Variants in MATK observed in about 807,000 individuals in gnomAD.
The protein encoded by MATK is megakaryocyte-associated tyrosine-protein kinase.
A neutral mutation model predicts 59.8 loss-of-function variants in MATK; 41 were observed. That is an observed-to-expected ratio of 0.69 (90% CI 0.53 to 0.89). The LOEUF is 0.89. MATK is among the 40% of genes least tolerant of loss of function. The pLI, the probability that MATK is intolerant of heterozygous loss-of-function variation, is 0.00. For missense variants in MATK, 593 were observed against 719.6 expected, an observed-to-expected ratio of 0.82 and a Z score of 2.01; for synonymous variants, 308 against 306.1, an observed-to-expected ratio of 1.01 and a Z score of -0.06.
upstream of MATK, chr19:3,789,446 C>G: frequency 1.7e-6 from 1 of 590,192 alleles, no homozygotes; most frequent in South Asian, 2.1e-5. Context: ...CCGAGGAGCC[C>G]CAGGGCTCCG....
At chr19:3,783,728 G>T (rs905752154) in intron 6 of MATK, 86 bp downstream of exon 6, 4 of 1,265,288 alleles carry the variant, frequency 3.2e-6, no homozygotes, top group Admixed American at 3.9e-5. Flanking sequence ...CAGGTGACCC[G>T]CCCCTCTATC....
intron 2 of MATK, 65 bp downstream of exon 2, chr19:3,784,999 C>T (rs1479222891): frequency 9.1e-6 from 14 of 1,541,466 alleles, no homozygotes; most frequent in Non-Finnish European, 1.3e-5. Context: ...GAGAGCCTCC[C>T]CAGAGGCATC....
upstream of MATK, among the ~76,000 whole-genome samples, chr19:3,789,794 G>A (rs558285611): frequency 0.014 from 1,982 of 146,738 alleles, 55 homozygotes; most frequent in African/African-American, 0.048. Flanking sequence ...GCCTGATCTC[G>A]GCTCACTGCA....
In MATK at chr19:3,784,387, TC is replaced by T; in HGVS notation, c.196del (p.Glu66SerfsTer95). 1.9e-6 allele frequency: 3 copies of T among 1,609,150 alleles called. No homozygotes were observed. Among genetic ancestry groups the T allele is most frequent in the Non-Finnish European group, 1.7e-6 (2 of 1,179,042 alleles). ...CACGTCGCCCTTGCGGAAGGCCAGC[TC>T]CCCTGGCTTGGGGCGGGTGTGCTCG... The part of the protein sequence containing the change: ...KCEHTRPKPG[E>X]LAFRKGDVVT... On this transcript the variant is annotated frameshift_variant, in exon 4 of 14. Transcript: ENST00000310132. LOFTEE classifies it high-confidence loss of function.
chr19:3,799,739 G>A (rs1028661539), intron 1 of MATK, among the ~76,000 whole-genome samples: 26 of 152,246 alleles, frequency 1.7e-4, no homozygotes, highest in Middle Eastern at 3.4e-3. Flanking sequence ...TACTTGGGAG[G>A]CTGAGGCAGG....
At chr19:3,778,870 C>T (rs1410211294) in intron 12 of MATK, 122 bp downstream of exon 12, 2 of 1,070,296 alleles carry the variant, frequency 1.9e-6, no homozygotes, top group Non-Finnish European at 2.6e-6. Flanking sequence ...GGGCCAAGAG[C>T]TTCCTGGGGA....
At chr19:3,800,646 TC>T (rs1438863674) in intron 1 of MATK, among the ~76,000 whole-genome samples, 1 of 151,452 alleles carries the variant, frequency 6.6e-6, no homozygotes, top group African/African-American at 2.4e-5. Flanking sequence ...AACTCCGTCT[TC>T]AGAAAAAAAA....
upstream of MATK, among the ~76,000 whole-genome samples, chr19:3,791,179 T>C (rs1289944511): frequency 2.6e-5 from 4 of 152,100 alleles, no homozygotes; most frequent in African/African-American, 9.7e-5. Context: ...TAATGTGGAA[T>C]TGCTGAGTCA....
intron 6 of MATK, 49 bp downstream of exon 6, chr19:3,783,765 C>A (rs771624640): frequency 3.3e-5 from 52 of 1,571,088 alleles, no homozygotes; most frequent in Non-Finnish European, 4.5e-5. Context: ...TCCGGAGTCC[C>A]TGGGCTGCCC....
intron 1 of MATK, among the ~76,000 whole-genome samples, chr19:3,795,792 C>T (rs1362841095): frequency 1.8e-4 from 19 of 105,926 alleles, no homozygotes; most frequent in Admixed American, 1.0e-3. Flanking sequence ...GATGGAATCT[C>T]ACTGTTTCGT....
At chr19:3,798,803 T>G (rs931832034) in intron 1 of MATK, among the ~76,000 whole-genome samples, 2 of 150,620 alleles carry the variant, frequency 1.3e-5, no homozygotes, top group Admixed American at 6.6e-5. Flanking sequence ...TGAGCCACCG[T>G]GCCCGGCCTG....
At chr19:3,793,922 CA>C (rs2037568319) in intron 1 of MATK, among the ~76,000 whole-genome samples, 2 of 152,096 alleles carry the variant, frequency 1.3e-5, no homozygotes, top group Admixed American at 1.3e-4. Flanking sequence ...CCACTAAGCT[CA>C]GTGTGCCTCC....
intron 7 of MATK, among the ~76,000 whole-genome samples, chr19:3,781,980 C>T (rs1452246814): frequency 6.6e-6 from 1 of 152,208 alleles, no homozygotes; most frequent in East Asian, 1.9e-4. Context: ...TCAGACCCCA[C>T]ACTTGCCCTC....
chr19:3,779,863 A>T (rs1215001532), intron 8 of MATK, 66 bp from the exon 9 acceptor site: 7 of 981,820 alleles, frequency 7.1e-6, no homozygotes, highest in Admixed American at 3.4e-5. Context: ...AGAGAGACAG[A>T]CGGACAGGCC....
In MATK at chr19:3,785,177, G is replaced by A. The variant is rs765967015; in HGVS notation, c.-42C>T. The A allele has an allele frequency of 6.2e-7, 1 of 1,613,412 alleles. No homozygotes were observed. Among genetic ancestry groups the A allele is most frequent in the Non-Finnish European group, 8.5e-7 (1 of 1,179,858 alleles). The stretch of plus-strand genomic sequence containing the variant: ...CTGAGGCAGGTGAGAGGCACACTGA[G>A]CAAGTGGTCACAGTCGGGGACGCTG... On this transcript the variant is annotated 5_prime_UTR_variant, in exon 2 of 14. Coordinates refer to ENST00000310132, the MANE Select transcript of MATK (RefSeq NM_139355.3).
In MATK at chr19:3,783,237, A is replaced by G. The variant is rs780724950; in HGVS notation, c.583-18T>C. 13 of 1,378,276 alleles carry G rather than the reference A, an allele frequency of 9.4e-6. No homozygotes were observed. Among genetic ancestry groups the G allele is most frequent in the African/African-American group, 1.6e-5 (1 of 64,484 alleles). 85.4% of individuals were successfully genotyped at this position (1,378,276 alleles called of 1,614,324 possible). On this transcript the variant is annotated intron_variant, in intron 6 of 13. Coordinates refer to ENST00000310132, the MANE Select transcript of MATK (RefSeq NM_139355.3). Reference sequence around the variant, plus strand: ...CTGTAATGCTGCAGGATGGTGGGACAGCCATGAGCCCAGCCCCAGGGAGGG... The same window carrying G: ...CTGTAATGCTGCAGGATGGTGGGACGGCCATGAGCCCAGCCCCAGGGAGGG...
chr19:3,798,248 G>C (rs147577164), intron 1 of MATK, among the ~76,000 whole-genome samples: 3 of 151,812 alleles, frequency 2.0e-5, no homozygotes, highest in Admixed American at 6.6e-5. Context: ...CTCTCCTTCA[G>C]GTTACTTTTC....
chr19:3,786,509 T>A (rs1599202640), upstream of MATK: 1 of 612,554 alleles, frequency 1.6e-6, no homozygotes, highest in Non-Finnish European at 2.0e-6. This position sits in a 1 kb window ranked among gnomAD's most constrained non-coding sequence, Gnocchi z 4.1. Context: ...GGCCCTGACC[T>A]GGCCCTGTCG....
Position 3,785,061 on chromosome 19 carries a change from T to C in MATK, c.72+3A>G, listed in dbSNP as rs902565743. ...CAAGCCCCTGTGGGGAAGTGATCTT[T>C]ACCCGGGGAAGTTCCTCAGCAGAAT... On this transcript the variant is annotated splice_donor_region_variant and intron_variant, in intron 2 of 13. Transcript: ENST00000310132. 1.2e-6 allele frequency: 2 copies of C among 1,613,856 alleles called. No homozygotes were observed. The highest frequency in any genetic ancestry group is 1.1e-5 in the South Asian group (1 of 91,076).
Sources: gnomAD v4.1 joint callset for allele counts (sites outside exome capture counted in the v4.1 genomes callset) on GRCh38, gnomAD v4.1.1 for gene constraint, Gnocchi (gnomAD v3.1) non-coding constraint, MANE v1.5 for transcripts, NCBI Gene and HGNC (gene_info 2026-07-23, HGNC 2026-07-21) for gene names.